CHCHD6: variants seen among roughly 807,000 people sequenced by gnomAD.
CHCHD6 encodes the protein MICOS complex subunit MIC25.
Under a neutral mutation model 32.3 loss-of-function variants are expected in CHCHD6, and 28 were observed. The observed-to-expected ratio is 0.87, with a 90% CI of 0.64 to 1.19. The LOEUF (loss-of-function observed/expected upper bound fraction) is 1.19. Among genes scored for constraint, CHCHD6 ranks in the 50% most tolerant of loss-of-function variants. The pLI is 0.00. For missense variants in CHCHD6, 333 were observed against 307.0 expected (o/e 1.08, Z -0.63); for synonymous variants, 122 against 117.5 (o/e 1.04, Z -0.25).
At chr3:126,783,083 T>C (rs1035971637) in intron 4 of CHCHD6, among the ~76,000 whole-genome samples, 2 of 152,180 alleles carry the variant, frequency 1.3e-5, no homozygotes, top group Non-Finnish European at 2.9e-5. Context: ...GTTTGTACTC[T>C]TTGACCTACC....
At chr3:126,906,800 C>T (rs1037499975) in intron 5 of CHCHD6, among the ~76,000 whole-genome samples, 12 of 152,176 alleles carry the variant, frequency 7.9e-5, no homozygotes, top group African/African-American at 2.7e-4. Flanking sequence ...AGTCTGTTTG[C>T]GTTCATTATT....
At chr3:126,900,602 C>CTT (rs35627042) in intron 5 of CHCHD6, among the ~76,000 whole-genome samples, 10,586 of 116,646 alleles carry the variant, frequency 0.091, 806 homozygotes, top group African/African-American at 0.1. Context: ...GTGTGACACA[C>CTT]TTTTTTTTTT....
intron 4 of CHCHD6, among the ~76,000 whole-genome samples, chr3:126,788,311 C>T (rs1392615558): frequency 1.3e-5 from 2 of 152,134 alleles, no homozygotes; most frequent in Non-Finnish European, 2.9e-5. Flanking sequence ...CTCTGCCAGG[C>T]TTTGGTATCA....
At chr3:126,885,634 T>G (rs903368022) in intron 5 of CHCHD6, among the ~76,000 whole-genome samples, 1 of 152,214 alleles carries the variant, frequency 6.6e-6, no homozygotes, top group Non-Finnish European at 1.5e-5. Flanking sequence ...TTGTAAAATT[T>G]CAGGAAGGTG....
chr3:126,814,533 A>G (rs1939793283), intron 4 of CHCHD6, among the ~76,000 whole-genome samples: 1 of 152,234 alleles, frequency 6.6e-6, no homozygotes, highest in East Asian at 1.9e-4. Flanking sequence ...CAAATGGCCA[A>G]TGGTTTAATC....
At chr3:126,823,910 C>A (rs868503824) in intron 4 of CHCHD6, among the ~76,000 whole-genome samples, 1 of 136,052 alleles carries the variant, frequency 7.4e-6, no homozygotes. Context: ...CAAAAACACA[C>A]ACACACACAC....
At chr3:126,790,679 C>T (rs930664437) in intron 4 of CHCHD6, among the ~76,000 whole-genome samples, 1 of 152,198 alleles carries the variant, frequency 6.6e-6, no homozygotes, top group African/African-American at 2.4e-5. Flanking sequence ...TCCATCAGGT[C>T]ATTTAAGGCC....
chr3:126,721,051 A>C (rs1247037898), intron 1 of CHCHD6, among the ~76,000 whole-genome samples: 1 of 152,188 alleles, frequency 6.6e-6, no homozygotes. Context: ...ATTCTCACGC[A>C]AATTATTCCA....
At chr3:126,722,286 G>A (rs1328619314) in intron 1 of CHCHD6, among the ~76,000 whole-genome samples, 1 of 152,136 alleles carries the variant, frequency 6.6e-6, no homozygotes, top group African/African-American at 2.4e-5. Flanking sequence ...CTCCCAAGAA[G>A]CTAGGACTGT....
At chr3:126,956,058 G>A (rs957396313) in intron 6 of CHCHD6, among the ~76,000 whole-genome samples, 11 of 152,212 alleles carry the variant, frequency 7.2e-5, no homozygotes, top group Non-Finnish European at 1.5e-4. Context: ...TGGTGCTGGT[G>A]GTTTCTAGCT....
chr3:126,876,399 A>G (rs1192738442), intron 5 of CHCHD6, among the ~76,000 whole-genome samples: 2 of 152,220 alleles, frequency 1.3e-5, no homozygotes, highest in Non-Finnish European at 2.9e-5. Flanking sequence ...AACCCCAGGA[A>G]TGTTTGTCTG....
chr3:126,758,763 C>A (rs1197706731), intron 4 of CHCHD6, among the ~76,000 whole-genome samples: 1 of 152,204 alleles, frequency 6.6e-6, no homozygotes, highest in Admixed American at 6.5e-5. Context: ...TGCCAGGTCA[C>A]TTGTAGGAGG....
intron 5 of CHCHD6, among the ~76,000 whole-genome samples, chr3:126,909,550 C>T (rs943918998): frequency 3.3e-5 from 5 of 152,176 alleles, no homozygotes; most frequent in African/African-American, 1.2e-4. Context: ...ACTTTGGAAA[C>T]CCATGGAGAT....
rs369728137 is a variant in CHCHD6, at chr3:126,727,110, G to C, written c.120G>C (p.Glu40Asp). ...AAAACGTGGTGAACCGCATGAAGGA[G>C]CCCAGCTCTCCACCCCCTGCTCCCA... The part of the protein sequence containing the change: ...LSENVVNRMK[E>D]PSSPPPAPTS... Residue 40 changes from glutamate (E) to aspartate (D), a missense_variant, in exon 2 of 8, where the codon GAG (glutamate) becomes GAC (aspartate). Physicochemically the swap from Glu to Asp is conservative, Grantham distance 45. Transcript: ENST00000290913. 1.9e-6 allele frequency: 3 copies of C among 1,613,960 alleles called. No individual in the cohort carries two copies. In the African/African-American group the frequency reaches 4.0e-5, roughly 22 times the overall value.
At chr3:126,852,797 C>A in intron 5 of CHCHD6, 67 bp downstream of exon 5, 1 of 1,095,958 alleles carries the variant, frequency 9.1e-7, no homozygotes, top group Non-Finnish European at 1.4e-6. Context: ...GAACACATCA[C>A]TGTCATGGGG....
chr3:126,859,945 T>C (rs1431071291), intron 5 of CHCHD6, among the ~76,000 whole-genome samples: 1 of 152,178 alleles, frequency 6.6e-6, no homozygotes, highest in Non-Finnish European at 1.5e-5. Flanking sequence ...TGGAGACTGA[T>C]GCTGGGTTCC....
intron 5 of CHCHD6, among the ~76,000 whole-genome samples, chr3:126,856,983 A>C (rs908061535): frequency 1.3e-5 from 2 of 152,164 alleles, no homozygotes; most frequent in Non-Finnish European, 2.9e-5. Flanking sequence ...AGTTTGTGTA[A>C]AGCAACCATC....
At chr3:126,886,067 G>A (rs539949574) in intron 5 of CHCHD6, among the ~76,000 whole-genome samples, 1 of 152,328 alleles carries the variant, frequency 6.6e-6, no homozygotes, top group Non-Finnish European at 1.5e-5. Flanking sequence ...ACAGATAGGG[G>A]AGGCTGCTAG....
rs776203726 is a variant in CHCHD6 at position 126,914,674 on chromosome 3, T to C, written c.496-6T>C. 2 of 1,557,804 alleles carry C rather than the reference T, an allele frequency of 1.3e-6. No homozygotes were observed. Among genetic ancestry groups the C allele is most frequent in the African/African-American group, 2.7e-5 (2 of 73,880 alleles). ...TTGGTAACCAATTCTGTTTTTCTCCTTGTAGAATGCTGAGATGTATAAACT... is the reference window on the plus strand; with the variant it reads ...TTGGTAACCAATTCTGTTTTTCTCCCTGTAGAATGCTGAGATGTATAAACT... On this transcript the variant is annotated splice_polypyrimidine_tract_variant and splice_region_variant and intron_variant, in intron 5 of 7. Coordinates refer to ENST00000290913, the MANE Select transcript of CHCHD6 (RefSeq NM_032343.3).
Sources: gnomAD v4.1 joint callset for allele counts (sites outside exome capture counted in the v4.1 genomes callset) on GRCh38, gnomAD v4.1.1 for gene constraint, MANE v1.5 for transcripts, NCBI Gene and HGNC (gene_info 2026-07-23, HGNC 2026-07-21) for gene names.